The following GABRB2 variants were observed in gnomAD, a reference collection of about 807,000 sequenced individuals.
GABRB2 encodes the protein gamma-aminobutyric acid type A receptor subunit beta2, also known as gamma-aminobutyric acid receptor subunit beta-2.
In GABRB2, 16 loss-of-function variants were observed where a neutral mutation model predicts 54.7. The observed-to-expected ratio is 0.29, with a 90% CI of 0.20 to 0.44. GABRB2 has a LOEUF of 0.44. GABRB2 is among the 20% of genes least tolerant of loss of function. The pLI is 1.00. For synonymous variants in GABRB2, 244 were observed against 233.8 expected, an observed-to-expected ratio of 1.04 and a Z score of -0.40; for missense variants, 355 against 644.0, an observed-to-expected ratio of 0.55 and a Z score of 4.86.
At chr5:161,483,631 T>C (rs914043612) in intron 3 of GABRB2, among the ~76,000 whole-genome samples, 1 of 151,972 alleles carries the variant, frequency 6.6e-6, no homozygotes, top group African/African-American at 2.4e-5. Context: ...GGCCTACTGT[T>C]AAAACTTTGG....
chr5:161,453,307 A>G (rs1757847208), intron 4 of GABRB2, among the ~76,000 whole-genome samples: 1 of 152,244 alleles, frequency 6.6e-6, no homozygotes, highest in African/African-American at 2.4e-5. Context: ...AGTTATCAAC[A>G]GTGACCAAGA....
rs527605116 is a variant in GABRB2 at position 161,540,192 on chromosome 5, C to T, written c.237+5035G>A. Among the ~76,000 whole-genome samples the T allele has an allele frequency of 1.4e-4, 21 of 152,264 alleles. 1 individual carries two copies. In the South Asian group the frequency reaches 3.3e-3, roughly 24 times the overall value. On this transcript the variant is annotated intron_variant, in intron 3 of 9. Transcript: ENST00000393959. ...AGTCAAACCTCTCAAATCTGGCTGCCGCTTTATCAACTGAGTTTATGTAAT... is the reference window on the plus strand; with the variant it reads ...AGTCAAACCTCTCAAATCTGGCTGCTGCTTTATCAACTGAGTTTATGTAAT...
At chr5:161,331,230 C>T in intron 7 of GABRB2, 103 bp from the exon 8 acceptor site, 1 of 1,334,220 alleles carries the variant, frequency 7.5e-7, no homozygotes, top group Non-Finnish European at 1.0e-6. Flanking sequence ...TTCATATATG[C>T]CACAATCTAT....
intron 9 of GABRB2, among the ~76,000 whole-genome samples, chr5:161,317,226 G>A (rs1758068434): frequency 6.6e-6 from 1 of 152,118 alleles, no homozygotes; most frequent in Non-Finnish European, 1.5e-5. Context: ...TTATTTGGGT[G>A]ATGGATAACC....
At chr5:161,326,543 TG>T in intron 8 of GABRB2, 62 bp from the exon 9 acceptor site, 1 of 1,538,944 alleles carries the variant, frequency 6.5e-7, no homozygotes, top group East Asian at 2.4e-5. Flanking sequence ...TTAGGCCTGA[TG>T]GTTAAAGTAA....
chr5:161,523,696 T>A (rs1472346704), intron 3 of GABRB2, among the ~76,000 whole-genome samples: 1 of 151,622 alleles, frequency 6.6e-6, no homozygotes, highest in Non-Finnish European at 1.5e-5. Flanking sequence ...TGCATAACGA[T>A]GTCAAGTTGC....
intron 5 of GABRB2, among the ~76,000 whole-genome samples, chr5:161,369,811 T>C (rs535212204): frequency 2.8e-4 from 43 of 152,342 alleles, no homozygotes; most frequent in African/African-American, 9.4e-4. Flanking sequence ...ACCTCTTATC[T>C]GTCTTTCTTC....
chr5:161,336,830 G>GACAAAACAGA, intron 5 of GABRB2, 61 bp from the exon 6 acceptor site: 3 of 1,419,460 alleles, frequency 2.1e-6, no homozygotes, highest in Non-Finnish European at 2.8e-6. Flanking sequence ...AAAAAAAACA[G>GACAAAACAGA]ACAAAACAGA....
intron 5 of GABRB2, among the ~76,000 whole-genome samples, chr5:161,410,664 T>C (rs995634310): frequency 1.3e-5 from 2 of 152,190 alleles, no homozygotes; most frequent in African/African-American, 2.4e-5. Flanking sequence ...TGTAACTGTT[T>C]GCACCAATTC....
intron 5 of GABRB2, among the ~76,000 whole-genome samples, chr5:161,375,822 G>C (rs977096219): frequency 6.6e-6 from 1 of 152,116 alleles, no homozygotes; most frequent in Non-Finnish European, 1.5e-5. Flanking sequence ...TGTCAATAAT[G>C]ATGAAGAAGA....
intron 5 of GABRB2, among the ~76,000 whole-genome samples, chr5:161,369,165 G>T (rs1755058912): frequency 6.6e-6 from 1 of 152,112 alleles, no homozygotes; most frequent in South Asian, 2.1e-4. Flanking sequence ...TAGAAATTCT[G>T]ATAAAGTTCC....
chr5:161,546,887 A>C (rs1581075963), upstream of GABRB2: 1 of 652,294 alleles, frequency 1.5e-6, no homozygotes, highest in Non-Finnish European at 2.2e-6. Context: ...TAGAAAAGTC[A>C]CCCCACAGCA....
At chr5:161,389,973 C>CA (rs1334941757) in intron 5 of GABRB2, among the ~76,000 whole-genome samples, 4 of 151,950 alleles carry the variant, frequency 2.6e-5, no homozygotes, top group Middle Eastern at 6.8e-3. Context: ...ATAGTATTAA[C>CA]AAAAACAGTA....
intron 3 of GABRB2, 67 bp downstream of exon 3, chr5:161,545,160 G>C (rs1443213349): frequency 1.6e-6 from 2 of 1,254,118 alleles, no homozygotes; most frequent in Admixed American, 2.1e-5. Context: ...CCAATAGCTG[G>C]CTCATTTCTC....
rs868521442 is a variant in GABRB2 at position 161,463,990 on chromosome 5, T to C, written c.238-4146A>G. Among the ~76,000 whole-genome samples the C allele has an allele frequency of 5.9e-5, 9 of 152,050 alleles. No homozygotes were observed. The Middle Eastern group carries it at 0.017, about 287-fold the overall frequency. ...GACTTAAGTGTAAAATGTAATACTA[T>C]AAAACCTTAAGAGAAAAACAGAAGA... On this transcript the variant is annotated intron_variant, in intron 3 of 9. Coordinates refer to ENST00000393959, the MANE Select transcript of GABRB2 (RefSeq NM_001371727.1).
At chr5:161,469,509 C>A (rs200980457) in intron 3 of GABRB2, among the ~76,000 whole-genome samples, 4 of 150,506 alleles carry the variant, frequency 2.7e-5, no homozygotes, top group Admixed American at 6.6e-5. Flanking sequence ...TCTTAAAAAC[C>A]AAAAAAAACC....
chr5:161,472,882 T>C (rs1027742478), intron 3 of GABRB2, among the ~76,000 whole-genome samples: 6 of 151,972 alleles, frequency 3.9e-5, no homozygotes, highest in Non-Finnish European at 8.8e-5. Flanking sequence ...GGTTGAACCA[T>C]TAAAAATTAA....
chr5:161,308,083 G>A (rs187829297), intron 9 of GABRB2, among the ~76,000 whole-genome samples: 8 of 152,006 alleles, frequency 5.3e-5, no homozygotes, highest in Admixed American at 1.3e-4. Context: ...GGATGGTCTC[G>A]ATCTCCTGAC....
intron 9 of GABRB2, among the ~76,000 whole-genome samples, chr5:161,316,922 T>C (rs1580973971): frequency 6.6e-6 from 1 of 152,296 alleles, no homozygotes. Flanking sequence ...TTGACAGCGA[T>C]AATCATTAGA....
Sources: allele counts gnomAD v4.1 joint callset (sites outside exome capture counted in the v4.1 genomes callset), GRCh38; gene constraint gnomAD v4.1.1; transcripts MANE v1.5; gene names NCBI Gene and HGNC (gene_info 2026-07-23, HGNC 2026-07-21).